Variants in CRKL observed in about 807,000 individuals in gnomAD.
CRKL encodes CRK like proto-oncogene, adaptor protein.
A neutral mutation model predicts 23.0 loss-of-function variants in CRKL; 3 were observed. That is an observed-to-expected ratio of 0.13 (90% confidence interval 0.06 to 0.34). The LOEUF (loss-of-function observed/expected upper bound fraction) is 0.34. CRKL is among the 10% of genes least tolerant of loss of function. The probability of loss-of-function intolerance (pLI) is 1.00; values close to 1 mark genes in which losing one functional copy is unlikely to be tolerated. For synonymous variants in CRKL, 188 were observed against 160.7 expected, an observed-to-expected ratio of 1.17 and a Z score of -1.28; for missense variants, 256 against 394.5, an observed-to-expected ratio of 0.65 and a Z score of 2.97.
Position 20,927,192 on chromosome 22 carries a change from A to ATTTTTTTTTTTTTTTTTTTTTTTTTTT in CRKL, c.312-6569_312-6568insTTTTTTTTTTTTTTTTTTTTTTTTTTT, listed in dbSNP as rs532930393. Among the ~76,000 whole-genome samples, 218 of 81,946 alleles carry ATTTTTTTTTTTTTTTTTTTTTTTTTTT rather than the reference A, an allele frequency of 2.7e-3. 21 individuals are homozygous for ATTTTTTTTTTTTTTTTTTTTTTTTTTT. The highest frequency in any genetic ancestry group is 3.4e-3 in the Non-Finnish European group (168 of 49,750). 53.8% of individuals were successfully genotyped at this position (81,946 alleles called of 152,430 possible). ...AGTACTTAGCTCATCTTGGAATTGA[A>ATTTTTTTTTTTTTTTTTTTTTTTTTTT]TTTTTTTTTTTTTTTTTTGAGACAG... On this transcript the variant is annotated intron_variant, in intron 1 of 2. Transcript: ENST00000354336.
At chr22:20,931,795 A>C (rs1921461897) in intron 1 of CRKL, among the ~76,000 whole-genome samples, 1 of 152,008 alleles carries the variant, frequency 6.6e-6, no homozygotes, top group Admixed American at 6.6e-5. Flanking sequence ...CTAGCTATTT[A>C]TTTTTATTTT....
At chr22:20,940,955 A>T (rs1016254256) in intron 2 of CRKL, among the ~76,000 whole-genome samples, 2 of 152,084 alleles carry the variant, frequency 1.3e-5, no homozygotes, top group African/African-American at 4.8e-5. Flanking sequence ...TTTAGGTTTC[A>T]TTAATACTGA....
rs540981754 is a variant in CRKL, at chr22:20,953,296, G to T, written c.*3451G>T. ...GAGGACTATGCCCCTAGTAACTGCT[G>T]TCGGTGTGGACGCTGTGCTGGTTCT... On this transcript the variant is annotated 3_prime_UTR_variant, in exon 3 of 3. Transcript: ENST00000354336. The T allele has an allele frequency of 1.7e-5, 4 of 231,080 alleles. No homozygotes were observed. Among genetic ancestry groups the T allele is most frequent in the East Asian group, 1.2e-4 (2 of 16,214 alleles). The allele number at this position is 231,080 out of a possible 1,614,324, so 14.3% of individuals were successfully genotyped here.
In CRKL at chr22:20,952,158, G is replaced by T. The variant is rs916646869; in HGVS notation, c.*2313G>T. 1.3e-5 allele frequency: 3 copies of T among 227,740 alleles called. No individual in the cohort carries two copies. The highest frequency in any genetic ancestry group is 2.6e-5 in the Non-Finnish European group (3 of 115,584). The allele number at this position is 227,740 out of a possible 1,614,324, so 14.1% of individuals were successfully genotyped here. The stretch of plus-strand genomic sequence containing the variant: ...TTGTTCAAGGAGGGCACGACCCTTA[G>T]GCCTTTTTCAACCAGATTTAGCTGA... On this transcript the variant is annotated 3_prime_UTR_variant, in exon 3 of 3. Coordinates refer to ENST00000354336, the MANE Select transcript of CRKL (RefSeq NM_005207.4).
intron 1 of CRKL, among the ~76,000 whole-genome samples, chr22:20,921,620 G>C (rs1435384985): frequency 6.6e-6 from 1 of 152,162 alleles, no homozygotes; most frequent in Non-Finnish European, 1.5e-5. Context: ...GAGAGGAGGA[G>C]AAGAGCCTTC....
At position 20,921,957 on chromosome 22, in the gene CRKL, C is replaced by T. The variant is rs1921008987; in HGVS notation, c.311+3712C>T. Among the ~76,000 whole-genome samples the T allele has an allele frequency of 5.3e-5, 8 of 150,876 alleles. No homozygotes were observed. In the South Asian group the frequency reaches 1.7e-3, roughly 32 times the overall value. Reference sequence around the variant, plus strand: ...TCTCCTAACCTAGTGATCCGCCCGCCTCGGCCTCCCAAAGTGCTGGAATTA... The same window carrying T: ...TCTCCTAACCTAGTGATCCGCCCGCTTCGGCCTCCCAAAGTGCTGGAATTA... On this transcript the variant is annotated intron_variant, in intron 1 of 2. Coordinates refer to ENST00000354336, the MANE Select transcript of CRKL (RefSeq NM_005207.4).
chr22:20,949,764 C>T lies in CRKL; in HGVS notation c.831C>T (p.Gly277=), dbSNP rs745884889. The change falls in exon 3 of 3, where the codon GGC becomes GGT. Residue 277 remains glycine (G), a synonymous_variant. Transcript: ENST00000354336. ...TGAATATAAATGGCCAGTGGGAAGG[C>T]GAAGTGAACGGGCGCAAAGGGCTTT... The part of the protein sequence containing the change: ...TRMNINGQWE[G]EVNGRKGLFP... 20 of 1,612,940 alleles carry T rather than the reference C, an allele frequency of 1.2e-5. No individual in the cohort carries two copies. Among genetic ancestry groups the T allele is most frequent in the South Asian group, 9.9e-5 (9 of 90,874 alleles).
intron 2 of CRKL, among the ~76,000 whole-genome samples, chr22:20,940,671 C>CGAA (rs1365184668): frequency 6.7e-6 from 1 of 149,974 alleles, no homozygotes; most frequent in Admixed American, 6.7e-5. Flanking sequence ...CATAATTGCT[C>CGAA]TGTGTCATCT....
At chr22:20,920,724 A>G (rs1920983257) in intron 1 of CRKL, among the ~76,000 whole-genome samples, 1 of 152,016 alleles carries the variant, frequency 6.6e-6, no homozygotes, top group Non-Finnish European at 1.5e-5. Context: ...TTCCTTACTC[A>G]TACCTTTGTA....
intron 2 of CRKL, among the ~76,000 whole-genome samples, chr22:20,941,538 A>ATG (rs1187984983): frequency 0.055 from 2,788 of 50,334 alleles, 391 homozygotes; most frequent in African/African-American, 0.096. Flanking sequence ...TATATATTTT[A>ATG]TGTGTGTGTG....
At chr22:20,927,868 G>GAAAAAAAAAAAAAAAAAAAAAAAAAA (rs1921288468) in intron 1 of CRKL, among the ~76,000 whole-genome samples, 1 of 133,558 alleles carries the variant, frequency 7.5e-6, no homozygotes. Flanking sequence ...AAAAAAAAAG[G>GAAAAAAAAAAAAAAAAAAAAAAAAAA]AAAAAGAGTA....
At chr22:20,930,392 G>GT (rs1921397834) in intron 1 of CRKL, among the ~76,000 whole-genome samples, 1 of 151,870 alleles carries the variant, frequency 6.6e-6, no homozygotes, top group African/African-American at 2.4e-5. Context: ...TTTTTTGTTT[G>GT]TTTTTAAGAT....
At position 20,932,951 on chromosome 22, in the gene CRKL, A is replaced by G. The variant is rs1037145714; in HGVS notation, c.312-828A>G. On this transcript the variant is annotated intron_variant, in intron 1 of 2. Transcript: ENST00000354336. ...AAAATTTAGCTGGGTATGGTGTTGC[A>G]CATCTGTAATCTCAGCTACTCGGGA... Among the ~76,000 whole-genome samples the G allele has an allele frequency of 2.6e-5, 4 of 152,192 alleles. No homozygotes were observed. In the East Asian group the frequency reaches 7.7e-4, roughly 29 times the overall value.
At chr22:20,927,842 CAAAAAAA>C (rs796204860) in intron 1 of CRKL, among the ~76,000 whole-genome samples, 2,610 of 56,292 alleles carry the variant, frequency 0.046, 84 homozygotes, top group Middle Eastern at 0.16. Context: ...GACTCTGTCT[CAAAAAAA>C]AAAAAAAAAA....
At chr22:20,947,239 CTCTT>C (rs1234970469) in intron 2 of CRKL, among the ~76,000 whole-genome samples, 11 of 142,698 alleles carry the variant, frequency 7.7e-5, no homozygotes, top group East Asian at 2.0e-4. Context: ...CTGTCTCTCT[CTCTT>C]TTTTTTTTTT....
chr22:20,939,258 T>TG (rs1921775575), intron 2 of CRKL, among the ~76,000 whole-genome samples: 1 of 67,644 alleles, frequency 1.5e-5, no homozygotes, highest in African/African-American at 5.4e-5. Context: ...TTTTTTTTTT[T>TG]GAGACAGAGT....
intron 1 of CRKL, among the ~76,000 whole-genome samples, chr22:20,932,734 C>G (rs539041096): frequency 6.6e-6 from 1 of 152,200 alleles, no homozygotes; most frequent in East Asian, 1.9e-4. Flanking sequence ...ACAGTACAGA[C>G]TACAAAAATT....
At chr22:20,932,107 G>A (rs576438441) in intron 1 of CRKL, among the ~76,000 whole-genome samples, 1 of 151,332 alleles carries the variant, frequency 6.6e-6, no homozygotes, top group South Asian at 2.1e-4. Context: ...CACTGCGCCG[G>A]CCTCTTATTT....
intron 2 of CRKL, among the ~76,000 whole-genome samples, chr22:20,935,856 T>A (rs1921640639): frequency 1.3e-5 from 2 of 151,586 alleles, no homozygotes; most frequent in African/African-American, 2.4e-5. Context: ...TATTACTTTT[T>A]AAAAAAACTC....
Sources: allele counts gnomAD v4.1 joint callset (sites outside exome capture counted in the v4.1 genomes callset), GRCh38; gene constraint gnomAD v4.1.1; transcripts MANE v1.5; gene names NCBI Gene and HGNC (gene_info 2026-07-23, HGNC 2026-07-21).